LYST: variants seen among roughly 807,000 people sequenced by gnomAD.
The protein encoded by LYST is lysosomal-trafficking regulator.
Under a neutral mutation model 413.6 loss-of-function variants are expected in LYST, and 192 were observed. The ratio of observed to expected loss-of-function variants is 0.46; its 90% CI spans 0.41 to 0.52. The LOEUF (loss-of-function observed/expected upper bound fraction) is 0.52. Ranked by LOEUF, LYST falls within the 20% of genes least tolerant of loss-of-function variation. The pLI, the probability that LYST is intolerant of heterozygous loss-of-function variation, is 0.00. For synonymous variants in LYST, 1,525 were observed against 1,567.3 expected, an observed-to-expected ratio of 0.97 and a Z score of 0.64; for missense variants, 3,815 against 4,499.9, an observed-to-expected ratio of 0.85 and a Z score of 4.35.
At chr1:235,665,602 G>T (rs1244825911) in intron 50 of LYST, among the ~76,000 whole-genome samples, 1 of 106,930 alleles carries the variant, frequency 9.4e-6, no homozygotes, top group Non-Finnish European at 1.7e-5. Context: ...ACAGAGCAGA[G>T]ACTCTATCTC....
chr1:235,791,500 T>G, intron 12 of LYST, 199 bp downstream of exon 12: 1 of 572,562 alleles, frequency 1.7e-6, no homozygotes, highest in Non-Finnish European at 3.1e-6. Context: ...TATAAAAAAC[T>G]AAAGTTTCCG....
chr1:235,776,964 G>A (rs1669317459), intron 17 of LYST, 99 bp downstream of exon 17: 8 of 996,836 alleles, frequency 8.0e-6, no homozygotes, highest in African/African-American at 1.6e-5. Context: ...TAATATAGTC[G>A]AGTGTAGCTT....
intron 14 of LYST, among the ~76,000 whole-genome samples, chr1:235,786,298 G>C (rs971788131): frequency 6.6e-6 from 1 of 152,170 alleles, no homozygotes; most frequent in Non-Finnish European, 1.5e-5. Context: ...AGATTTGTAA[G>C]TTAAAGTATA....
intron 50 of LYST, among the ~76,000 whole-genome samples, chr1:235,670,663 G>A (rs563778379): frequency 1.5e-3 from 227 of 152,340 alleles, no homozygotes; most frequent in Non-Finnish European, 2.6e-3. Flanking sequence ...AAGAAAAGCC[G>A]CAGGGGCAGT....
chr1:235,791,877 T>A lies in LYST; in HGVS notation c.4365A>T (p.Pro1455=), dbSNP rs766175219. The A allele has an allele frequency of 6.2e-7, 1 of 1,614,120 alleles. No homozygotes were observed. Among genetic ancestry groups the A allele is most frequent in the Non-Finnish European group, 8.5e-7 (1 of 1,180,006 alleles). The change falls in exon 12 of 53, where the codon CCA becomes CCT. Residue 1455 remains proline, a synonymous_variant. Coordinates refer to ENST00000389793, the MANE Select transcript of LYST (RefSeq NM_000081.4). ...TTTGCCCCAGCAACGGCAGGTGGAC[T>A]GGGGCTATGTGCCAAGATGAAAGCA... ...HRLLSSWHIA[P]VHLPLLGQNC... is the part of the protein sequence containing the mutation.
At chr1:235,671,771 T>C (rs1476194987) in intron 50 of LYST, among the ~76,000 whole-genome samples, 2 of 152,218 alleles carry the variant, frequency 1.3e-5, no homozygotes, top group Admixed American at 6.5e-5. Context: ...CAGGTCCTTA[T>C]AGCCTGGCGT....
chr1:235,789,147 T>C (rs1670737569), intron 12 of LYST, among the ~76,000 whole-genome samples: 1 of 152,186 alleles, frequency 6.6e-6, no homozygotes, highest in Non-Finnish European at 1.5e-5. Context: ...TATTACAATG[T>C]GTACCAAGCT....
At chr1:235,800,590 T>G (rs900067374) in intron 9 of LYST, among the ~76,000 whole-genome samples, 2 of 152,198 alleles carry the variant, frequency 1.3e-5, no homozygotes, top group African/African-American at 4.8e-5. Flanking sequence ...ACAGCGAGCA[T>G]GTATTAAAAT....
intron 31 of LYST, 72 bp from the exon 32 acceptor site, chr1:235,734,731 T>A: frequency 1.0e-6 from 1 of 954,640 alleles, no homozygotes; most frequent in Non-Finnish European, 1.6e-6. Context: ...TAGTAGTAAT[T>A]AAATTATATT....
chr1:235,825,840 T>C (rs1334630831), intron 3 of LYST, among the ~76,000 whole-genome samples: 1 of 152,164 alleles, frequency 6.6e-6, no homozygotes, highest in African/African-American at 2.4e-5. Flanking sequence ...CTAAAATTTA[T>C]ATGAAAATAT....
At chr1:235,790,180 C>T (rs937879755) in intron 12 of LYST, among the ~76,000 whole-genome samples, 39 of 152,174 alleles carry the variant, frequency 2.6e-4, no homozygotes, top group Non-Finnish European at 4.1e-4. Flanking sequence ...TATATTTATT[C>T]ATTTTATAAG....
chr1:235,823,548 C>A (rs1045997040), intron 3 of LYST, among the ~76,000 whole-genome samples: 3 of 152,242 alleles, frequency 2.0e-5, no homozygotes. Context: ...ATTAAGACTT[C>A]TTAACATGGT....
At chr1:235,842,576 G>A (rs1677339432) in intron 1 of LYST, among the ~76,000 whole-genome samples, 1 of 152,184 alleles carries the variant, frequency 6.6e-6, no homozygotes, top group Admixed American at 6.5e-5. Context: ...CTAACAGCAG[G>A]CATTCGATTC....
At chr1:235,725,386 A>G (rs1663770655) in intron 38 of LYST, among the ~76,000 whole-genome samples, 2 of 152,144 alleles carry the variant, frequency 1.3e-5, no homozygotes, top group African/African-American at 4.8e-5. Flanking sequence ...GTGAGCCGAG[A>G]TCACGCCACT....
intron 1 of LYST, 54 bp downstream of exon 1, chr1:235,866,789 G>C (rs191637569): frequency 6.6e-6 from 1 of 152,408 alleles, no homozygotes; most frequent in Non-Finnish European, 1.5e-5. Context: ...ACGCAGAGGG[G>C]CCGGGACCCG....
intron 44 of LYST, 132 bp downstream of exon 44, chr1:235,708,959 G>C (rs1350909160): frequency 1.3e-6 from 1 of 782,806 alleles, no homozygotes; most frequent in Non-Finnish European, 2.2e-6. Flanking sequence ...AAAAATCTTA[G>C]GTGACAGTTT....
chr1:235,820,579 T>G (rs1483761086), intron 3 of LYST, among the ~76,000 whole-genome samples: 1 of 152,002 alleles, frequency 6.6e-6, no homozygotes, highest in Non-Finnish European at 1.5e-5. Flanking sequence ...CCATGTTGCC[T>G]AGGCTGGCCT....
In LYST at chr1:235,854,827, C is replaced by A. The variant is rs900220029; in HGVS notation, c.-98+12016G>T. Among the ~76,000 whole-genome samples, 8 of 152,154 alleles carry A rather than the reference C, an allele frequency of 5.3e-5. No individual in the cohort carries two copies. Among genetic ancestry groups the A allele is most frequent in the African/African-American group, 1.9e-4 (8 of 41,436 alleles). On this transcript the variant is annotated intron_variant, in intron 1 of 52. Transcript: ENST00000389793. This position sits in a 1 kb window ranked among gnomAD's most constrained non-coding sequence, Gnocchi z 4.1. Reference sequence around the variant, plus strand: ...CCTCTCTTACTTGCAATACTAACAACCTCCTACTTGATCACACTGTCTGGT... The same window carrying A: ...CCTCTCTTACTTGCAATACTAACAAACTCCTACTTGATCACACTGTCTGGT...
At chr1:235,747,543 A>G (rs1378621552) in intron 28 of LYST, among the ~76,000 whole-genome samples, 2 of 152,136 alleles carry the variant, frequency 1.3e-5, no homozygotes, top group Admixed American at 6.5e-5. Context: ...GCAAAAAAAA[A>G]AGAAAATACA....
Sources: allele counts gnomAD v4.1 joint callset (sites outside exome capture counted in the v4.1 genomes callset), GRCh38; gene constraint gnomAD v4.1.1; non-coding constraint Gnocchi (gnomAD v3.1); transcripts MANE v1.5; gene names NCBI Gene and HGNC (gene_info 2026-07-23, HGNC 2026-07-21).